Variants in FAM13A observed in about 807,000 individuals in gnomAD.
FAM13A encodes the protein family with sequence similarity 13 member A.
Under a neutral mutation model 129.6 loss-of-function variants are expected in FAM13A, and 76 were observed. That is an observed-to-expected ratio of 0.59 (90% confidence interval 0.49 to 0.71). FAM13A has a LOEUF of 0.71. Ranked by LOEUF, FAM13A falls within the 30% of genes least tolerant of loss-of-function variation. The pLI is 0.00. For synonymous variants in FAM13A, 443 were observed against 449.9 expected, an observed-to-expected ratio of 0.98 and a Z score of 0.20; for missense variants, 1,108 against 1,249.3, an observed-to-expected ratio of 0.89 and a Z score of 1.70.
At chr4:88,953,316 G>T (rs577738427) in intron 4 of FAM13A, among the ~76,000 whole-genome samples, 2 of 151,890 alleles carry the variant, frequency 1.3e-5, no homozygotes, top group East Asian at 3.9e-4. Context: ...TTAGCCGGGC[G>T]TGGTGGCAGG....
Position 88,973,223 on chromosome 4 carries a change from T to C in FAM13A, c.605+17750A>G, listed in dbSNP as rs182767919. 5.3e-5 allele frequency among the ~76,000 whole-genome samples: 8 copies of C among 152,146 alleles called. No individual in the cohort carries two copies. In the East Asian group the frequency reaches 1.5e-3, roughly 29 times the overall value. On this transcript the variant is annotated intron_variant, in intron 4 of 23. Coordinates refer to ENST00000264344, the MANE Select transcript of FAM13A (RefSeq NM_014883.4). ...GTGAATGGAAATTCTCAGTCATTAT[T>C]GTTTCAAATATTTCTTCTGTTCCTT... is the stretch of plus-strand genomic sequence containing the variant.
At chr4:88,949,038 C>G (rs1450740430) in intron 4 of FAM13A, among the ~76,000 whole-genome samples, 2 of 152,174 alleles carry the variant, frequency 1.3e-5, no homozygotes, top group African/African-American at 4.8e-5. Context: ...TTTCTACCTA[C>G]AATAACTTTT....
chr4:88,805,472 C>T (rs1728370651), intron 7 of FAM13A, among the ~76,000 whole-genome samples: 1 of 152,146 alleles, frequency 6.6e-6, no homozygotes, highest in Non-Finnish European at 1.5e-5. Flanking sequence ...TAAGAACGAG[C>T]CACTTCAGGA....
intron 4 of FAM13A, among the ~76,000 whole-genome samples, chr4:88,963,299 CTTTT>C (rs768059079): frequency 1.4e-5 from 2 of 138,324 alleles, no homozygotes; most frequent in Non-Finnish European, 3.2e-5. Context: ...CATTTAAAAT[CTTTT>C]TTTTTTTTTT....
chr4:88,929,588 C>CT lies in FAM13A; in HGVS notation c.759+8499dup, dbSNP rs1322453119. Among the ~76,000 whole-genome samples, 207 of 150,632 alleles carry CT rather than the reference C, an allele frequency of 1.4e-3. 2 individuals carry two copies. The highest frequency in any genetic ancestry group is 4.7e-3 in the African/African-American group (193 of 41,098). On this transcript the variant is annotated intron_variant, in intron 5 of 23. Transcript: ENST00000264344. ...TGAAGGCTTTGTTCATCTTTTTTTC[C>CT]TTTTTTTTTCTTTTTGTCTGACTGG... is the stretch of plus-strand genomic sequence containing the variant.
chr4:88,789,137 T>C (rs943357882), intron 9 of FAM13A, among the ~76,000 whole-genome samples: 1 of 152,098 alleles, frequency 6.6e-6, no homozygotes, highest in Non-Finnish European at 1.5e-5. Flanking sequence ...TCCTACAACA[T>C]ACCAAACATC....
At chr4:88,739,622 A>AC (rs1491539998) in intron 19 of FAM13A, among the ~76,000 whole-genome samples, 2 of 50,742 alleles carry the variant, frequency 3.9e-5, no homozygotes, top group Admixed American at 4.0e-4. Flanking sequence ...TAAAAAATAC[A>AC]AAAAAAAAAA....
chr4:89,009,700 A>G (rs1488005052), intron 3 of FAM13A, among the ~76,000 whole-genome samples: 1 of 152,232 alleles, frequency 6.6e-6, no homozygotes, highest in Non-Finnish European at 1.5e-5. Flanking sequence ...ATATATAAAT[A>G]ACGTTAAACA....
At chr4:88,805,473 C>G (rs1728371661) in intron 7 of FAM13A, among the ~76,000 whole-genome samples, 1 of 152,112 alleles carries the variant, frequency 6.6e-6, no homozygotes, top group Non-Finnish European at 1.5e-5. Flanking sequence ...AAGAACGAGC[C>G]ACTTCAGGAA....
intron 6 of FAM13A, among the ~76,000 whole-genome samples, chr4:88,880,619 G>A (rs1743362686): frequency 6.6e-6 from 1 of 152,146 alleles, no homozygotes; most frequent in African/African-American, 2.4e-5. Flanking sequence ...GGAATCAGGA[G>A]TGCAGACACA....
chr4:88,961,821 C>A (rs576348939), intron 4 of FAM13A, among the ~76,000 whole-genome samples: 1 of 152,208 alleles, frequency 6.6e-6, no homozygotes, highest in East Asian at 1.9e-4. Context: ...TAAAGGGCTG[C>A]AAAAACAGCT....
intron 3 of FAM13A, among the ~76,000 whole-genome samples, chr4:89,010,850 C>A (rs2149084097): frequency 1.3e-5 from 2 of 152,010 alleles, no homozygotes; most frequent in South Asian, 2.1e-4. Context: ...CCCTCATTAT[C>A]TTTTCTTTTT....
intron 6 of FAM13A, among the ~76,000 whole-genome samples, chr4:88,882,774 C>A (rs1348757028): frequency 6.6e-6 from 1 of 151,980 alleles, no homozygotes; most frequent in Admixed American, 6.6e-5. Context: ...AAGAGACTCA[C>A]CTAACACATA....
At chr4:88,893,642 GAATA>G (rs55794702) in intron 6 of FAM13A, among the ~76,000 whole-genome samples, 50,842 of 125,468 alleles carry the variant, frequency 0.41, 9,736 homozygotes, top group Middle Eastern at 0.45. Context: ...ATGAATGAAT[GAATA>G]AATAAATAAA....
intron 14 of FAM13A, among the ~76,000 whole-genome samples, chr4:88,751,768 C>T (rs375091541): frequency 1.5e-4 from 23 of 152,108 alleles, no homozygotes; most frequent in Admixed American, 3.9e-4. Context: ...AAATAGATGT[C>T]GATGATATAA....
intron 4 of FAM13A, among the ~76,000 whole-genome samples, chr4:88,986,464 T>A (rs1262688106): frequency 1.3e-5 from 2 of 152,214 alleles, no homozygotes; most frequent in South Asian, 4.1e-4. Context: ...GTAAGTGTTA[T>A]AAAAATTTAA....
intron 6 of FAM13A, among the ~76,000 whole-genome samples, chr4:88,894,685 C>A (rs550078415): frequency 1.3e-5 from 2 of 152,232 alleles, no homozygotes; most frequent in South Asian, 4.2e-4. Context: ...CCATGGCCGG[C>A]TAATTTTTGT....
chr4:88,766,571 A>G (rs1026907269), intron 13 of FAM13A, among the ~76,000 whole-genome samples: 1 of 152,156 alleles, frequency 6.6e-6, no homozygotes, highest in African/African-American at 2.4e-5. Context: ...TTTTATGCAC[A>G]TTTTTTAATG....
intron 6 of FAM13A, among the ~76,000 whole-genome samples, chr4:88,886,737 T>C (rs1744483314): frequency 6.6e-6 from 1 of 151,848 alleles, no homozygotes; most frequent in Non-Finnish European, 1.5e-5. Context: ...TGAAACCCCG[T>C]CTCTACTAAT....
Sources: gnomAD v4.1 joint callset for allele counts (sites outside exome capture counted in the v4.1 genomes callset) on GRCh38, gnomAD v4.1.1 for gene constraint, MANE v1.5 for transcripts, NCBI Gene and HGNC (gene_info 2026-07-23, HGNC 2026-07-21) for gene names.